The following ADAM23 variants were observed in gnomAD, a reference collection of about 807,000 sequenced individuals.
ADAM23 encodes the protein ADAM metallopeptidase domain 23, also known as disintegrin and metalloproteinase domain-containing protein 23.
ADAM23 carries 33 observed loss-of-function variants against 120.1 expected under a neutral mutation model. That is an observed-to-expected ratio of 0.27 (90% confidence interval 0.21 to 0.37). The LOEUF (loss-of-function observed/expected upper bound fraction) is 0.37. ADAM23 is among the 10% of genes least tolerant of loss of function. The probability of loss-of-function intolerance (pLI) is 1.00; values close to 1 mark genes in which losing one functional copy is unlikely to be tolerated. For synonymous variants in ADAM23, 367 were observed against 375.2 expected (o/e 0.98, Z 0.25); for missense variants, 862 against 1,058.2 (o/e 0.81, Z 2.57).
In ADAM23 at chr2:206,620,597, G is replaced by A. The variant is rs561511217; in HGVS notation, c.*2970G>A. 1.3e-5 allele frequency: 2 copies of A among 152,182 alleles called. No individual in the cohort carries two copies. 9.4% of individuals were successfully genotyped at this position (152,182 alleles called of 1,614,324 possible). A position where few individuals can be genotyped will look rare whatever the true frequency, so the allele number is the denominator to read the frequency against. The stretch of plus-strand genomic sequence containing the variant: ...GTTTAATGTTACCCAACAAGAGTTA[G>A]TGTTAAGTGATGATCAAGTTCCCAT... On this transcript the variant is annotated 3_prime_UTR_variant, in exon 26 of 26. Coordinates refer to ENST00000264377, the MANE Select transcript of ADAM23 (RefSeq NM_003812.4).
chr2:206,535,902 A>G (rs768043314), intron 4 of ADAM23, among the ~76,000 whole-genome samples: 5 of 152,184 alleles, frequency 3.3e-5, no homozygotes, highest in African/African-American at 9.7e-5. Context: ...GGGGATAGTT[A>G]TACAACTCTG....
intron 20 of ADAM23, 117 bp downstream of exon 20, chr2:206,588,271 A>G (rs1698361456): frequency 9.6e-7 from 1 of 1,036,690 alleles, no homozygotes. Flanking sequence ...AAAAAAATCT[A>G]GAAAGGATGA....
chr2:206,557,292 A>G, intron 9 of ADAM23, 135 bp from the exon 10 acceptor site: 1 of 708,834 alleles, frequency 1.4e-6, no homozygotes, highest in Non-Finnish European at 2.4e-6. Flanking sequence ...CACCAAATCC[A>G]GTATACCACA....
chr2:206,470,654 C>A (rs547620327), intron 2 of ADAM23, among the ~76,000 whole-genome samples: 17 of 152,264 alleles, frequency 1.1e-4, no homozygotes, highest in African/African-American at 3.9e-4. Flanking sequence ...AGTCTACTGG[C>A]ACCTGCATTT....
chr2:206,574,407 T>A (rs910042870), intron 18 of ADAM23, among the ~76,000 whole-genome samples: 2 of 151,624 alleles, frequency 1.3e-5, no homozygotes, highest in African/African-American at 4.8e-5. Context: ...GTTTTCTTTT[T>A]TTTTTTTTTG....
rs887677044 is a variant in ADAM23 at position 206,561,337 on chromosome 2, G to C, written c.1254+125G>C. ...GGCAAATGTAGCATGAGTGGCTTAT[G>C]TTATTAATAAATAGAACCCAACGTG... is the stretch of plus-strand genomic sequence containing the variant. On this transcript the variant is annotated intron_variant, in intron 12 of 25. Transcript: ENST00000264377. The C allele has an allele frequency of 1.4e-5, 11 of 795,708 alleles. No individual in the cohort carries two copies. The African/African-American group carries it at 1.7e-4, about 13-fold the overall frequency. 49.3% of individuals were successfully genotyped at this position (795,708 alleles called of 1,614,324 possible). A position where few individuals can be genotyped will look rare whatever the true frequency, so the allele number is the denominator to read the frequency against.
At chr2:206,580,189 T>C (rs10804152) in intron 18 of ADAM23, among the ~76,000 whole-genome samples, 130,753 of 152,094 alleles carry the variant, frequency 0.86, 56,452 homozygotes, top group African/African-American at 0.94. Flanking sequence ...TCCTCTTTAC[T>C]GACTTGGATG....
At chr2:206,557,107 T>A (rs1287059704) in intron 9 of ADAM23, among the ~76,000 whole-genome samples, 6 of 151,846 alleles carry the variant, frequency 4.0e-5, no homozygotes, top group Non-Finnish European at 5.9e-5. Context: ...TTGAAAAAAA[T>A]TTTGTAAAGA....
At chr2:206,471,754 A>C (rs568254109) in intron 2 of ADAM23, among the ~76,000 whole-genome samples, 2 of 152,306 alleles carry the variant, frequency 1.3e-5, no homozygotes, top group African/African-American at 4.8e-5. Context: ...ACGAGGAAAA[A>C]GAACAAGGTG....
In ADAM23 at chr2:206,619,244, A is replaced by G. The variant is rs1263214321; in HGVS notation, c.*1617A>G. ...TTATAATGGGATTCTACTATATACAAATCCACATTGTTCTTCTCCCTCCAG... is the reference window on the plus strand; with the variant it reads ...TTATAATGGGATTCTACTATATACAGATCCACATTGTTCTTCTCCCTCCAG... On this transcript the variant is annotated 3_prime_UTR_variant, in exon 26 of 26. Transcript: ENST00000264377. 2.6e-5 allele frequency: 4 copies of G among 152,210 alleles called. No homozygotes were observed. Among genetic ancestry groups the G allele is most frequent in the Non-Finnish European group, 5.9e-5 (4 of 68,042 alleles). The allele number at this position is 152,210 out of a possible 1,614,324, so 9.4% of individuals were successfully genotyped here. A position where few individuals can be genotyped will look rare whatever the true frequency, so the allele number is the denominator to read the frequency against.
chr2:206,591,666 T>A (rs1698428354), intron 21 of ADAM23, among the ~76,000 whole-genome samples: 1 of 152,198 alleles, frequency 6.6e-6, no homozygotes, highest in Non-Finnish European at 1.5e-5. Flanking sequence ...GGCCTGTACA[T>A]AAGTAGAAAA....
At chr2:206,449,452 T>G (rs544828613) in intron 2 of ADAM23, among the ~76,000 whole-genome samples, 39 of 152,298 alleles carry the variant, frequency 2.6e-4, no homozygotes, top group African/African-American at 8.7e-4. Flanking sequence ...TTAAGGAAGC[T>G]TTTCCTGAAA....
intron 4 of ADAM23, among the ~76,000 whole-genome samples, chr2:206,533,027 T>C (rs1463246890): frequency 6.6e-6 from 1 of 152,070 alleles, no homozygotes; most frequent in East Asian, 1.9e-4. Context: ...ATTACATATA[T>C]ATATATATTT....
chr2:206,472,447 T>TA lies in ADAM23; in HGVS notation c.433-8775dup, dbSNP rs3216682. 2.1e-3 allele frequency among the ~76,000 whole-genome samples: 305 copies of TA among 144,566 alleles called. 1 individual carries two copies. Among genetic ancestry groups the TA allele is most frequent in the African/African-American group, 6.7e-3 (266 of 39,448 alleles). The allele number at this position is 144,566 out of a possible 152,430, so 94.8% of individuals were successfully genotyped here. A position where few individuals can be genotyped will look rare whatever the true frequency, so the allele number is the denominator to read the frequency against. On this transcript the variant is annotated intron_variant, in intron 2 of 25. Transcript: ENST00000264377. The stretch of plus-strand genomic sequence containing the variant: ...CAATATGGTGAAACCCTGTCTTTAC[T>TA]AAAAAAAAAACAAAAATTAGCTGGG...
intron 25 of ADAM23, among the ~76,000 whole-genome samples, chr2:206,616,655 A>G (rs1465336939): frequency 6.6e-6 from 1 of 152,026 alleles, no homozygotes; most frequent in African/African-American, 2.4e-5. Context: ...GCTGGCCCTC[A>G]GTCGGTGGGC....
chr2:206,574,337 T>C (rs1235067235), intron 18 of ADAM23, among the ~76,000 whole-genome samples: 1 of 152,034 alleles, frequency 6.6e-6, no homozygotes, highest in Non-Finnish European at 1.5e-5. Context: ...TTTATTTTGC[T>C]TGGTTTTCTG....
intron 8 of ADAM23, 21 bp from the exon 9 acceptor site, chr2:206,550,074 A>G (rs780624220): frequency 2.0e-6 from 3 of 1,472,886 alleles, no homozygotes; most frequent in East Asian, 4.6e-5. Context: ...TATTCTGACC[A>G]TATATTTTTA....
At chr2:206,467,335 A>C (rs1338255613) in intron 2 of ADAM23, among the ~76,000 whole-genome samples, 8 of 152,232 alleles carry the variant, frequency 5.3e-5, no homozygotes, top group Admixed American at 5.2e-4. Flanking sequence ...TTACTTCCAA[A>C]TTACAATAGA....
intron 10 of ADAM23, 40 bp from the exon 11 acceptor site, chr2:206,559,915 A>G: frequency 6.4e-7 from 1 of 1,569,324 alleles, no homozygotes; most frequent in African/African-American, 1.3e-5. Flanking sequence ...TGTTTGACCC[A>G]GTGTTTTCCT....
Sources: allele counts gnomAD v4.1 joint callset (sites outside exome capture counted in the v4.1 genomes callset), GRCh38; gene constraint gnomAD v4.1.1; transcripts MANE v1.5; gene names NCBI Gene and HGNC (gene_info 2026-07-23, HGNC 2026-07-21).